Variants in AGAP1 observed in about 807,000 individuals in gnomAD.
The protein encoded by AGAP1 is ArfGAP with GTPase domain, ankyrin repeat and PH domain 1.
A neutral mutation model predicts 105.3 loss-of-function variants in AGAP1; 29 were observed. The ratio of observed to expected loss-of-function variants is 0.28; its 90% CI spans 0.21 to 0.38. AGAP1 has a LOEUF of 0.38. Among genes scored for constraint, AGAP1 ranks in the 10% least tolerant of loss-of-function variants. The probability of loss-of-function intolerance (pLI) is 1.00; values close to 1 mark genes in which losing one functional copy is unlikely to be tolerated. For synonymous variants in AGAP1, 509 were observed against 485.9 expected (o/e 1.05, Z -0.63); for missense variants, 998 against 1,165.1 (o/e 0.86, Z 2.09).
rs2056077323 is a variant in AGAP1, at chr2:236,000,602, C to A, written c.1645+31979C>A. Among the ~76,000 whole-genome samples, 1 of 152,182 alleles carries A rather than the reference C, an allele frequency of 6.6e-6. No homozygotes were observed. Among genetic ancestry groups the A allele is most frequent in the Non-Finnish European group, 1.5e-5 (1 of 68,040 alleles). ...GAGGCTGGGCGAACACCAGCCCGAG[C>A]CTGACTTAAGCAGGATGGGCATGGA... On this transcript the variant is annotated intron_variant, in intron 13 of 17. Coordinates refer to ENST00000304032, the MANE Select transcript of AGAP1 (RefSeq NM_001037131.3). This position sits in a 1 kb window ranked among gnomAD's most constrained non-coding sequence, Gnocchi z 4.3.
In AGAP1 at chr2:235,967,615, A is replaced by G. The variant is rs991058205; in HGVS notation, c.1484-847A>G. On this transcript the variant is annotated intron_variant, in intron 12 of 17. Transcript: ENST00000304032. The surrounding 1 kb of genome is among the most constrained non-coding windows in gnomAD (Gnocchi z 4.7). Reference sequence around the variant, plus strand: ...TGTACAGAACTCTGACTTTGGACTTAAAGATGCTGAATCGTGAAATAAAAA... The same window carrying G: ...TGTACAGAACTCTGACTTTGGACTTGAAGATGCTGAATCGTGAAATAAAAA... Among the ~76,000 whole-genome samples the G allele has an allele frequency of 6.6e-6, 1 of 152,212 alleles. No homozygotes were observed. The highest frequency in any genetic ancestry group is 1.5e-5 in the Non-Finnish European group (1 of 68,046).
chr2:235,832,841 C>A (rs891778747), intron 9 of AGAP1, among the ~76,000 whole-genome samples: 6 of 152,202 alleles, frequency 3.9e-5, no homozygotes, highest in African/African-American at 1.4e-4. Context: ...TGGATCAATA[C>A]CATGTGTGTG....
Position 235,739,991 on chromosome 2 carries a change from G to A in AGAP1, c.311-972G>A, listed in dbSNP as rs990687982. Among the ~76,000 whole-genome samples the A allele has an allele frequency of 1.3e-5, 2 of 152,212 alleles. No individual in the cohort carries two copies. The highest frequency in any genetic ancestry group is 2.9e-5 in the Non-Finnish European group (2 of 68,034). On this transcript the variant is annotated intron_variant, in intron 3 of 17. Coordinates refer to ENST00000304032, the MANE Select transcript of AGAP1 (RefSeq NM_001037131.3). The surrounding 1 kb of genome is among the most constrained non-coding windows in gnomAD (Gnocchi z 5.3). ...TTCTGGACGGCATCTGCACAGAGGA[G>A]CGGAAGACAAGAGCTGGGAACCGAT...
rs1412106609 is a variant in AGAP1 at position 235,769,797 on chromosome 2, G to A, written c.673+19309G>A. ...GAGGCACAGGCGACGCTCCGAGGCAGCCTGGCTTGTGTTAGCTGAGTTCTG... is the reference window on the plus strand; with the variant it reads ...GAGGCACAGGCGACGCTCCGAGGCAACCTGGCTTGTGTTAGCTGAGTTCTG... On this transcript the variant is annotated intron_variant, in intron 6 of 17. Coordinates refer to ENST00000304032, the MANE Select transcript of AGAP1 (RefSeq NM_001037131.3). The surrounding 1 kb of genome is among the most constrained non-coding windows in gnomAD (Gnocchi z 4.4). Among the ~76,000 whole-genome samples the A allele has an allele frequency of 6.6e-6, 1 of 152,200 alleles. No homozygotes were observed. Among genetic ancestry groups the A allele is most frequent in the African/African-American group, 2.4e-5 (1 of 41,440 alleles).
chr2:235,709,084 G>A, intron 1 of AGAP1, 95 bp from the exon 2 acceptor site: 1 of 1,247,352 alleles, frequency 8.0e-7, no homozygotes, highest in Non-Finnish European at 1.2e-6. Context: ...ACCATCTTCA[G>A]TGACCTTCGG....
At chr2:235,667,611 G>C (rs980681920) in intron 1 of AGAP1, among the ~76,000 whole-genome samples, 4 of 152,128 alleles carry the variant, frequency 2.6e-5, no homozygotes, top group Non-Finnish European at 5.9e-5. Flanking sequence ...CATTCTGACA[G>C]ATGAATCCCG....
At chr2:235,812,929 G>T (rs369345823) in intron 9 of AGAP1, among the ~76,000 whole-genome samples, 6 of 152,224 alleles carry the variant, frequency 3.9e-5, no homozygotes, top group Non-Finnish European at 7.3e-5. Flanking sequence ...GTGAACTGCC[G>T]TGCCCTGCAA....
chr2:235,736,985 T>C lies in AGAP1; in HGVS notation c.311-3978T>C, dbSNP rs1172038725. The stretch of plus-strand genomic sequence containing the variant: ...CTTGTTGCCAACGATGCTGTCATCC[T>C]AAGGCTCTCCTTCTGTGGTTAAAGT... On this transcript the variant is annotated intron_variant, in intron 3 of 17. Transcript: ENST00000304032. This position sits in a 1 kb window ranked among gnomAD's most constrained non-coding sequence, Gnocchi z 5.5. Among the ~76,000 whole-genome samples, 1 of 152,230 alleles carries C rather than the reference T, an allele frequency of 6.6e-6. No homozygotes were observed. Among genetic ancestry groups the C allele is most frequent in the Non-Finnish European group, 1.5e-5 (1 of 68,044 alleles).
chr2:235,684,626 G>T (rs1304507968), intron 1 of AGAP1, among the ~76,000 whole-genome samples: 1 of 152,152 alleles, frequency 6.6e-6, no homozygotes, highest in African/African-American at 2.4e-5. Context: ...ATTTCTTGGA[G>T]TGTGGATCCA....
chr2:235,716,363 A>G lies in AGAP1; in HGVS notation c.223-1194A>G, dbSNP rs541248129. On this transcript the variant is annotated intron_variant, in intron 2 of 17. Transcript: ENST00000304032. This position sits in a 1 kb window ranked among gnomAD's most constrained non-coding sequence, Gnocchi z 4.0. ...CAGCTGCTGGTGATGGGGCCAGGTC[A>G]GAGCGAGACAGGCTAGTGGCTTTGA... Among the ~76,000 whole-genome samples the G allele has an allele frequency of 1.4e-3, 209 of 152,288 alleles. 1 individual carries two copies. Among genetic ancestry groups the G allele is most frequent in the African/African-American group, 4.4e-3 (185 of 41,578 alleles).
At chr2:235,675,741 G>A (rs911420048) in intron 1 of AGAP1, among the ~76,000 whole-genome samples, 9 of 152,178 alleles carry the variant, frequency 5.9e-5, no homozygotes, top group African/African-American at 1.4e-4. Context: ...TGTGCTGAAC[G>A]TCAGCCAGGG....
In AGAP1 at chr2:236,076,406, T is replaced by C. The variant is rs2058635716; in HGVS notation, c.2114+27125T>C. On this transcript the variant is annotated intron_variant, in intron 16 of 17. Coordinates refer to ENST00000304032, the MANE Select transcript of AGAP1 (RefSeq NM_001037131.3). The surrounding 1 kb of genome is among the most constrained non-coding windows in gnomAD (Gnocchi z 4.4). ...GTTACAGTGAGTCGAGACCACACCA[T>C]TGTACTCCAGCCTGGGTGACAGAGT... Among the ~76,000 whole-genome samples, 1 of 152,020 alleles carries C rather than the reference T, an allele frequency of 6.6e-6. No homozygotes were observed. The highest frequency in any genetic ancestry group is 1.9e-4 in the East Asian group (1 of 5,158).
At chr2:236,019,233 G>A (rs776929370) in intron 13 of AGAP1, among the ~76,000 whole-genome samples, 3 of 152,306 alleles carry the variant, frequency 2.0e-5, no homozygotes, top group East Asian at 1.9e-4. Context: ...GCTGGGATGC[G>A]CCATTGCCTG....
At chr2:236,066,594 A>G (rs1432593879) in intron 16 of AGAP1, among the ~76,000 whole-genome samples, 1 of 152,226 alleles carries the variant, frequency 6.6e-6, no homozygotes, top group Non-Finnish European at 1.5e-5. Flanking sequence ...GAGATTGTTG[A>G]GATAAATCAT....
At chr2:235,706,949 T>C (rs1333119483) in intron 1 of AGAP1, among the ~76,000 whole-genome samples, 1 of 152,260 alleles carries the variant, frequency 6.6e-6, no homozygotes, top group Non-Finnish European at 1.5e-5. Flanking sequence ...CTGATGGTAT[T>C]AAGACACAAT....
intron 1 of AGAP1, among the ~76,000 whole-genome samples, chr2:235,498,205 A>G (rs1036619137): frequency 3.3e-5 from 5 of 152,236 alleles, no homozygotes; most frequent in African/African-American, 1.2e-4. Context: ...GGCATGGGAT[A>G]CAGGTGATTT....
At chr2:235,873,635 G>A (rs570053918) in intron 9 of AGAP1, among the ~76,000 whole-genome samples, 1 of 152,210 alleles carries the variant, frequency 6.6e-6, no homozygotes, top group African/African-American at 2.4e-5. Context: ...GCAAGCCTGT[G>A]TAATAATTTG....
At chr2:235,812,366 T>C (rs13391204) in intron 9 of AGAP1, among the ~76,000 whole-genome samples, 43,441 of 152,134 alleles carry the variant, frequency 0.29, 6,497 homozygotes, top group Admixed American at 0.42. Flanking sequence ...GTTTTGAAGC[T>C]GTGCGTGTTT....
In AGAP1 at chr2:235,601,296, G is replaced by A. The variant is rs1945723199; in HGVS notation, c.163+106447G>A. On this transcript the variant is annotated intron_variant, in intron 1 of 17. Transcript: ENST00000304032. The surrounding 1 kb of genome is among the most constrained non-coding windows in gnomAD (Gnocchi z 4.4). ...TTGGGGGTGGGGAGAGAGGCGAGAA[G>A]GGAAGGAGAAAGAGATGGAGACAGG... Among the ~76,000 whole-genome samples, 2 of 152,182 alleles carry A rather than the reference G, an allele frequency of 1.3e-5. No homozygotes were observed. Among genetic ancestry groups the A allele is most frequent in the African/African-American group, 4.8e-5 (2 of 41,450 alleles).
Sources: allele counts gnomAD v4.1 joint callset (sites outside exome capture counted in the v4.1 genomes callset), GRCh38; gene constraint gnomAD v4.1.1; non-coding constraint Gnocchi (gnomAD v3.1); transcripts MANE v1.5; gene names NCBI Gene and HGNC (gene_info 2026-07-23, HGNC 2026-07-21).